GALK2: variants seen among roughly 807,000 people sequenced by gnomAD.
GALK2 encodes galactokinase 2, also known as N-acetylgalactosamine kinase.
In GALK2, 36 loss-of-function variants were observed where a neutral mutation model predicts 52.4. The ratio of observed to expected loss-of-function variants is 0.69; its 90% CI spans 0.53 to 0.91. The LOEUF is 0.91. Among genes scored for constraint, GALK2 ranks in the 40% least tolerant of loss-of-function variants. The pLI is 0.00. For synonymous variants in GALK2, 176 were observed against 199.1 expected (o/e 0.88, Z 0.98); for missense variants, 579 against 559.1 (o/e 1.04, Z -0.36).
Position 49,217,264 on chromosome 15 carries a change from C to A in GALK2, c.217C>A (p.Pro73Thr). The change falls in exon 3 of 10, where the codon CCT becomes ACT. Residue 73 changes from proline (P) to threonine (T), a missense_variant. Pro to Thr is a conservative substitution (Grantham distance 38). Coordinates refer to ENST00000560031, the MANE Select transcript of GALK2 (RefSeq NM_002044.4). ...ACAAGATGTGCTAATAGCTGTAGAA[C>A]CTGTGAAAACGTACGCTCTCCAACT... ...VEQDVLIAVEPVKTYALQLAN... is the reference protein window; with the variant it reads ...VEQDVLIAVETVKTYALQLAN... 6.2e-7 allele frequency: 1 copy of A among 1,613,640 alleles called. No homozygotes were observed. The highest frequency in any genetic ancestry group is 1.1e-5 in the South Asian group (1 of 91,076).
chr15:49,314,111 C>T (rs1330426400), intron 8 of GALK2, among the ~76,000 whole-genome samples: 1 of 152,172 alleles, frequency 6.6e-6, no homozygotes. Flanking sequence ...ATTATGTGTG[C>T]CCTGATTTAG....
rs1403264506 is a variant in GALK2 at position 49,319,795 on chromosome 15, G to C, written c.1159G>C (p.Asp387His). 1.2e-6 allele frequency: 2 copies of C among 1,613,526 alleles called. No homozygotes were observed. The highest frequency in any genetic ancestry group is 2.2e-5 in the South Asian group (2 of 91,034). ...CSCPELDQLV[D>H]ICRKFGAQGS... Reference sequence around the variant, plus strand: ...CTGCCCCGAGCTGGATCAGCTGGTGGACATCTGTCGGTGAGGCAGCCTGGT... The same window carrying C: ...CTGCCCCGAGCTGGATCAGCTGGTGCACATCTGTCGGTGAGGCAGCCTGGT... Residue 387 changes from aspartate to histidine, a missense_variant, in exon 9 of 10, where the codon GAC becomes CAC. Transcript: ENST00000560031.
chr15:49,309,053 C>T (rs2035774502), intron 8 of GALK2, among the ~76,000 whole-genome samples: 2 of 152,146 alleles, frequency 1.3e-5, no homozygotes, highest in Admixed American at 1.3e-4. Flanking sequence ...TACTAGGCTT[C>T]TTCTGGTGTC....
chr15:49,264,871 G>T (rs1398198670), intron 5 of GALK2, among the ~76,000 whole-genome samples: 1 of 152,234 alleles, frequency 6.6e-6, no homozygotes, highest in Non-Finnish European at 1.5e-5. Context: ...ACCAGCAGTG[G>T]TGGCTGTAGT....
In GALK2 at chr15:49,208,052, CGT is replaced by C. The variant is rs201800965; in HGVS notation, c.142+6804_142+6805del. 4.6e-3 allele frequency among the ~76,000 whole-genome samples: 697 copies of C among 152,304 alleles called. 11 individuals are homozygous for C. Among genetic ancestry groups the C allele is most frequent in the African/African-American group, 0.016 (671 of 41,568 alleles). ...CCTCCCAAAGTGCTGGGATTACAGG[CGT>C]GAGTCACTGCGCCGGCCCAATTTTA... On this transcript the variant is annotated intron_variant, in intron 2 of 9. Transcript: ENST00000560031.
exon 1 of GALK2, chr15:49,155,820 T>A: frequency 1.4e-6 from 1 of 727,226 alleles, no homozygotes; most frequent in Middle Eastern, 2.7e-4. Flanking sequence ...TGGGACATCG[T>A]CCGGTGCTGC....
At chr15:49,341,855 GA>G (rs984861097) in intron 3 of GALK2, among the ~76,000 whole-genome samples, 2 of 152,116 alleles carry the variant, frequency 1.3e-5, no homozygotes, top group Non-Finnish European at 2.9e-5. Context: ...GTGGTTTTGG[GA>G]AATCTTTTTG....
chr15:49,237,770 C>A (rs763147731), intron 4 of GALK2, among the ~76,000 whole-genome samples: 1 of 152,070 alleles, frequency 6.6e-6, no homozygotes, highest in East Asian at 1.9e-4. Flanking sequence ...CCACTGCGCC[C>A]GGCTGATAAG....
At chr15:49,301,306 A>G (rs1567039530) in intron 8 of GALK2, among the ~76,000 whole-genome samples, 1 of 152,188 alleles carries the variant, frequency 6.6e-6, no homozygotes, top group African/African-American at 2.4e-5. Flanking sequence ...ACACAAAGCA[A>G]AATCCTTCAA....
rs1173904998 is a variant in GALK2 at position 49,351,637 on chromosome 15, T to TA, written c.427-15853dup. On this transcript the variant is annotated intron_variant, in intron 3 of 3. Transcript: ENST00000558399. ...GGACCTAAAGACAAAGATCAGCGTG[T>TA]AGGAGGCTTATTTGAGTGCTCTTGG... Among the ~76,000 whole-genome samples, 3 of 152,184 alleles carry TA rather than the reference T, an allele frequency of 2.0e-5. No homozygotes were observed. In the East Asian group the frequency reaches 5.8e-4, roughly 29 times the overall value.
chr15:49,221,933 T>C (rs1471880739), intron 3 of GALK2, among the ~76,000 whole-genome samples: 2 of 152,180 alleles, frequency 1.3e-5, no homozygotes, highest in Non-Finnish European at 2.9e-5. Flanking sequence ...TTTTCTATTT[T>C]TGTGAAAATG....
chr15:49,281,979 C>T lies in GALK2; in HGVS notation c.505-8C>T. ...ACTCACAGTACAAATCAGTTTTTAC[C>T]TTTCCAGGTGGAACTTGCAGAAATC... On this transcript the variant is annotated splice_polypyrimidine_tract_variant and splice_region_variant and intron_variant, in intron 5 of 9. Transcript: ENST00000560031. 1.2e-6 allele frequency: 2 copies of T among 1,607,752 alleles called. No homozygotes were observed. The highest frequency in any genetic ancestry group is 1.7e-6 in the Non-Finnish European group (2 of 1,175,132).
intron 1 of GALK2, among the ~76,000 whole-genome samples, chr15:49,162,850 G>A (rs2084698535): frequency 6.6e-6 from 1 of 152,186 alleles, no homozygotes; most frequent in South Asian, 2.1e-4. Flanking sequence ...GCTCTTGGAA[G>A]TGAATCCTTC....
chr15:49,367,563 T>A (rs768555380), exon 4 of GALK2: 3 of 1,603,870 alleles, frequency 1.9e-6, no homozygotes, highest in African/African-American at 1.3e-5. Flanking sequence ...CCTCCAAAAT[T>A]GAAGAGAACA....
In GALK2 at chr15:49,328,579, C is replaced by G. The variant is rs77994602; in HGVS notation, c.*420C>G. On this transcript the variant is annotated 3_prime_UTR_variant, in exon 10 of 10. Transcript: ENST00000560031. ...ATTTCTGGTTTCTCTTAGTATTCTT[C>G]TTCCTCAAAGTTGTAGTTGTCTGTT... 1 of 1,601,782 alleles carries G rather than the reference C, an allele frequency of 6.2e-7. No homozygotes were observed. Among genetic ancestry groups the G allele is most frequent in the African/African-American group, 1.3e-5 (1 of 74,976 alleles).
At position 49,329,118 on chromosome 15, in the gene GALK2, A is replaced by G. The variant is rs2038092828; in HGVS notation, c.*959A>G. 1 of 993,526 alleles carries G rather than the reference A, an allele frequency of 1.0e-6. No homozygotes were observed. Among genetic ancestry groups the G allele is most frequent in the African/African-American group, 1.7e-5 (1 of 57,398 alleles). The allele number at this position is 993,526 out of a possible 1,614,324, so 61.5% of individuals were successfully genotyped here. On this transcript the variant is annotated 3_prime_UTR_variant, in exon 10 of 10. Coordinates refer to ENST00000560031, the MANE Select transcript of GALK2 (RefSeq NM_002044.4). ...TATCCCTTTTTTGCTTGTCTAGCAA[A>G]GCTTGTTTGTATATATGCACCCCAT...
chr15:49,202,376 C>A (rs953396741), intron 2 of GALK2, among the ~76,000 whole-genome samples: 4 of 152,150 alleles, frequency 2.6e-5, no homozygotes, highest in African/African-American at 9.7e-5. Flanking sequence ...TTCCCAGCCT[C>A]TAGTAACCAT....
chr15:49,282,139 C>A, intron 6 of GALK2, 54 bp downstream of exon 6: 1 of 1,350,196 alleles, frequency 7.4e-7, no homozygotes, highest in Non-Finnish European at 1.1e-6. Flanking sequence ...GGAAAATTTA[C>A]ATGGAGAAGA....
chr15:49,238,516 T>C (rs562790088), intron 4 of GALK2, among the ~76,000 whole-genome samples: 77 of 152,358 alleles, frequency 5.1e-4, no homozygotes, highest in African/African-American at 1.9e-3. Context: ...GATTTTCTCA[T>C]GTAGCTGGCA....
Sources: allele counts gnomAD v4.1 joint callset (sites outside exome capture counted in the v4.1 genomes callset), GRCh38; gene constraint gnomAD v4.1.1; transcripts MANE v1.5; gene names NCBI Gene and HGNC (gene_info 2026-07-23, HGNC 2026-07-21).